FBXL13: variants seen among roughly 807,000 people sequenced by gnomAD.
The protein encoded by FBXL13 is F-box and leucine rich repeat protein 13, also known as F-box and leucine-rich repeat protein 13.
In FBXL13, 67 loss-of-function variants were observed where a neutral mutation model predicts 83.6. The observed-to-expected ratio is 0.80, with a 90% CI of 0.66 to 0.98. The LOEUF (loss-of-function observed/expected upper bound fraction) is 0.98. Ranked by LOEUF, FBXL13 falls within the 50% of genes least tolerant of loss-of-function variation. FBXL13 has a pLI of 0.00. For synonymous variants in FBXL13, 272 were observed against 299.5 expected (o/e 0.91, Z 0.95); for missense variants, 822 against 866.5 (o/e 0.95, Z 0.64).
intron 7 of FBXL13, 39 bp from the exon 9 acceptor site, chr7:102,963,704 G>A: frequency 6.8e-7 from 1 of 1,478,806 alleles, no homozygotes; most frequent in Non-Finnish European, 9.1e-7. Flanking sequence ...AAATGAGAAA[G>A]TCCCCAAAAA....
intron 6 of FBXL13, among the ~76,000 whole-genome samples, chr7:102,991,214 T>C (rs927496288): frequency 6.6e-6 from 1 of 152,184 alleles, no homozygotes; most frequent in Non-Finnish European, 1.5e-5. Context: ...GTCAAAGATA[T>C]TTCCAAATTC....
chr7:102,899,641 TTA>T (rs1413757779), intron 11 of FBXL13, among the ~76,000 whole-genome samples: 74 of 152,282 alleles, frequency 4.9e-4, no homozygotes, highest in African/African-American at 1.7e-3. Context: ...AAGATGGAAT[TTA>T]TGATTGACCA....
intron 18 of FBXL13, among the ~76,000 whole-genome samples, chr7:102,831,045 G>A (rs980167028): frequency 2.6e-5 from 4 of 152,168 alleles, no homozygotes; most frequent in African/African-American, 9.7e-5. Flanking sequence ...TGTGTTATTT[G>A]TTGGGAACCA....
chr7:102,829,277 T>C (rs1424989953), intron 18 of FBXL13, among the ~76,000 whole-genome samples: 3 of 152,230 alleles, frequency 2.0e-5, no homozygotes, highest in Admixed American at 6.5e-5. Flanking sequence ...GTAATCTGCT[T>C]CATGAAGCTT....
chr7:102,950,699 G>C (rs767468557), intron 8 of FBXL13, among the ~76,000 whole-genome samples: 1 of 152,114 alleles, frequency 6.6e-6, no homozygotes, highest in Non-Finnish European at 1.5e-5. Flanking sequence ...ATCAAGCCAT[G>C]AAAAGACATA....
intron 11 of FBXL13, among the ~76,000 whole-genome samples, chr7:102,912,674 C>G (rs1306955359): frequency 5.7e-5 from 6 of 104,918 alleles, no homozygotes; most frequent in South Asian, 3.6e-4. Flanking sequence ...GCATTTTACC[C>G]CCCCCCCCCC....
intron 10 of FBXL13, among the ~76,000 whole-genome samples, chr7:102,922,739 G>A (rs847654): frequency 0.029 from 4,353 of 152,142 alleles, 221 homozygotes; most frequent in African/African-American, 0.098. Context: ...TTGGGAGGCC[G>A]AGGCGGGCGG....
At chr7:102,979,293 G>A (rs1464580837) in intron 6 of FBXL13, among the ~76,000 whole-genome samples, 1 of 152,166 alleles carries the variant, frequency 6.6e-6, no homozygotes, top group African/African-American at 2.4e-5. Context: ...ACATGTCTAG[G>A]TCATAAAAGC....
intron 6 of FBXL13, among the ~76,000 whole-genome samples, chr7:103,017,255 G>C (rs1792464486): frequency 6.6e-6 from 1 of 151,624 alleles, no homozygotes; most frequent in Non-Finnish European, 1.5e-5. Context: ...CAGACCTGCA[G>C]CTGAGGGTCC....
intron 7 of FBXL13, among the ~76,000 whole-genome samples, chr7:102,964,697 C>G (rs1380833416): frequency 6.6e-6 from 1 of 152,148 alleles, no homozygotes; most frequent in Non-Finnish European, 1.5e-5. Context: ...GCCACCATGC[C>G]TGGCCACTTT....
rs562439641 is a variant in FBXL13, at chr7:102,905,459, G to T, written c.1008+7627C>A. On this transcript the variant is annotated intron_variant, in intron 11 of 19. Transcript: ENST00000313221. ...ATTCTTTTTTGGTTTTCATTGGCAT[G>T]GAATATCTTTCTCCATTCTTTTATT... Among the ~76,000 whole-genome samples the T allele has an allele frequency of 1.6e-3, 247 of 152,106 alleles. 1 individual carries two copies. The highest frequency in any genetic ancestry group is 5.5e-3 in the African/African-American group (228 of 41,494).
chr7:103,007,707 T>C (rs1791127271), intron 6 of FBXL13, among the ~76,000 whole-genome samples: 1 of 152,144 alleles, frequency 6.6e-6, no homozygotes, highest in African/African-American at 2.4e-5. Flanking sequence ...TAAAAAATAA[T>C]TGAACCCCTT....
chr7:102,904,281 T>C (rs1385636592), intron 11 of FBXL13, among the ~76,000 whole-genome samples: 1 of 152,156 alleles, frequency 6.6e-6, no homozygotes, highest in Non-Finnish European at 1.5e-5. Flanking sequence ...TTTGTTAGCA[T>C]ATAGCTGATC....
chr7:102,931,363 G>A (rs986411416), intron 9 of FBXL13, among the ~76,000 whole-genome samples: 1 of 146,896 alleles, frequency 6.8e-6, no homozygotes, highest in Admixed American at 6.7e-5. Context: ...CTGTGTAGAT[G>A]ACGGCAGTGT....
At chr7:103,064,854 G>A in intron 1 of FBXL13, among the ~76,000 whole-genome samples, 1 of 152,102 alleles carries the variant, frequency 6.6e-6, no homozygotes, top group South Asian at 2.1e-4. Context: ...GCAGCCCATG[G>A]GCAGGTCCAG....
intron 11 of FBXL13, among the ~76,000 whole-genome samples, chr7:102,908,364 C>A (rs908892926): frequency 1.3e-5 from 2 of 152,180 alleles, no homozygotes; most frequent in Non-Finnish European, 2.9e-5. Flanking sequence ...ATTTTGAATT[C>A]TCTGTCTGAA....
chr7:102,968,744 A>T (rs957117483), intron 6 of FBXL13, among the ~76,000 whole-genome samples: 1 of 152,234 alleles, frequency 6.6e-6, no homozygotes, highest in African/African-American at 2.4e-5. Context: ...ACCCAGACTG[A>T]TAATAAGGTG....
intron 2 of FBXL13, among the ~76,000 whole-genome samples, chr7:103,055,402 A>C (rs888153698): frequency 6.6e-6 from 1 of 152,110 alleles, no homozygotes; most frequent in Admixed American, 6.5e-5. Flanking sequence ...CTCTTTCCCA[A>C]CTTGAAATAA....
intron 1 of FBXL13, among the ~76,000 whole-genome samples, chr7:103,062,553 G>C (rs1798023501): frequency 6.6e-6 from 1 of 151,676 alleles, no homozygotes; most frequent in South Asian, 2.1e-4. Context: ...GGGATCGCAA[G>C]GCAATACTTA....
Sources: allele counts gnomAD v4.1 joint callset (sites outside exome capture counted in the v4.1 genomes callset), GRCh38; gene constraint gnomAD v4.1.1; transcripts MANE v1.5; gene names NCBI Gene and HGNC (gene_info 2026-07-23, HGNC 2026-07-21).